BHMT: variants seen among roughly 807,000 people sequenced by gnomAD.
BHMT encodes betaine--homocysteine S-methyltransferase 1.
In BHMT, 38 loss-of-function variants were observed where a neutral mutation model predicts 49.5. The ratio of observed to expected loss-of-function variants is 0.77; its 90% CI spans 0.59 to 1.01. BHMT has a LOEUF of 1.01. Among genes scored for constraint, BHMT ranks in the 50% least tolerant of loss-of-function variants. The probability of loss-of-function intolerance (pLI) is 0.00; values close to 1 mark genes in which losing one functional copy is unlikely to be tolerated. For missense variants in BHMT, 426 were observed against 495.7 expected (o/e 0.86, Z 1.34); for synonymous variants, 166 against 176.3 (o/e 0.94, Z 0.46).
rs764359897 is a variant in BHMT at position 79,131,008 on chromosome 5, T to A, written c.1113T>A (p.Asp371Glu). 5.0e-6 allele frequency: 8 copies of A among 1,613,956 alleles called. No individual in the cohort carries two copies. In the South Asian group the frequency reaches 6.6e-5, roughly 13 times the overall value. ...RPYNPSMSKP[D>E]GWGVTKGTAE... ...ACAACCCTTCAATGTCAAAGCCAGATGGCTGGGGAGTGACCAAAGGAACAG... is the reference window on the plus strand; with the variant it reads ...ACAACCCTTCAATGTCAAAGCCAGAAGGCTGGGGAGTGACCAAAGGAACAG... The change falls in exon 8 of 8, where the codon GAT becomes GAA. Residue 371 changes from aspartate to glutamate, a missense_variant. Coordinates refer to ENST00000274353, the MANE Select transcript of BHMT (RefSeq NM_001713.3).
intron 1 of BHMT, 38 bp from the exon 2 acceptor site, chr5:79,115,729 T>A: frequency 6.5e-7 from 1 of 1,542,486 alleles, no homozygotes; most frequent in Admixed American, 2.0e-5. Context: ...TCTTAAACAC[T>A]CAAGTAACTC....
At chr5:79,118,254 T>C (rs1756416412) in intron 2 of BHMT, among the ~76,000 whole-genome samples, 1 of 152,094 alleles carries the variant, frequency 6.6e-6, no homozygotes, top group Non-Finnish European at 1.5e-5. Context: ...TCACTTGAGG[T>C]CAGTAGTTCA....
At chr5:79,120,327 T>C in intron 3 of BHMT, 23 bp from the exon 4 acceptor site, 2 of 1,535,046 alleles carry the variant, frequency 1.3e-6, no homozygotes, top group Non-Finnish European at 1.8e-6. Context: ...AATTTAGATG[T>C]CTCATATACT....
chr5:79,120,652 T>C, intron 4 of BHMT, 111 bp downstream of exon 4: 1 of 987,476 alleles, frequency 1.0e-6, no homozygotes, highest in Non-Finnish European at 1.4e-6. Flanking sequence ...CTAGCAATAG[T>C]AATATTTAGT....
chr5:79,121,365 G>A lies in BHMT; in HGVS notation c.625G>A (p.Gly209Arg). The A allele has an allele frequency of 6.2e-7, 1 of 1,614,090 alleles. No individual in the cohort carries two copies. Among genetic ancestry groups the A allele is most frequent in the Non-Finnish European group, 8.5e-7 (1 of 1,179,958 alleles). ...GECAVRLVKA[G>R]ASIIGVNCHF... is the part of the protein sequence containing the mutation. The stretch of plus-strand genomic sequence containing the variant: ...GTGTGCAGTGCGCCTGGTGAAAGCA[G>A]GTGATGATAGATTTCAATCAGTTTG... The change falls in exon 5 of 8, where the codon GGA becomes AGA. Residue 209 changes from glycine (G) to arginine (R), a missense_variant and splice_region_variant. Physicochemically the swap from Gly to Arg is moderately radical, Grantham distance 125 (BLOSUM62 -2). Transcript: ENST00000274353.
At chr5:79,116,395 G>A (rs1300886576) in intron 2 of BHMT, 1 of 152,262 alleles carries the variant, frequency 6.6e-6, no homozygotes, top group East Asian at 1.9e-4. Flanking sequence ...CAGGAATCTG[G>A]GGATGTTAGA....
At chr5:79,123,638 A>G (rs139947872) in intron 5 of BHMT, among the ~76,000 whole-genome samples, 4,949 of 151,794 alleles carry the variant, frequency 0.033, 107 homozygotes, top group South Asian at 0.075. Flanking sequence ...TGTAACCTCC[A>G]CCTCCTGGGT....
intron 4 of BHMT, among the ~76,000 whole-genome samples, chr5:79,120,910 T>A (rs779285919): frequency 1.3e-5 from 2 of 152,192 alleles, no homozygotes; most frequent in Admixed American, 6.5e-5. Context: ...CCCAGCACTT[T>A]GGGAGGCCAA....
chr5:79,118,139 A>G (rs1411421911), intron 2 of BHMT, among the ~76,000 whole-genome samples: 3 of 152,222 alleles, frequency 2.0e-5, no homozygotes, highest in Admixed American at 1.3e-4. Flanking sequence ...ACTTTTAGCT[A>G]TATGGGGAAA....
chr5:79,120,408 A>G lies in BHMT; in HGVS notation c.344A>G (p.Asp115Gly). Residue 115 changes from aspartate to glycine, a missense_variant, in exon 4 of 8, where the codon GAT becomes GGT. Coordinates refer to ENST00000274353, the MANE Select transcript of BHMT (RefSeq NM_001713.3). ...GCCCGACAAGTGGCTGATGAAGGAG[A>G]TGCTTTGGTAGCAGGAGGAGTGAGT... ...DIARQVADEGDALVAGGVSQT... is the reference protein window; with the variant it reads ...DIARQVADEGGALVAGGVSQT... 2 of 1,613,936 alleles carry G rather than the reference A, an allele frequency of 1.2e-6. No individual in the cohort carries two copies. The highest frequency in any genetic ancestry group is 2.2e-5 in the East Asian group (1 of 44,872).
intron 2 of BHMT, among the ~76,000 whole-genome samples, chr5:79,117,792 G>A (rs35563215): frequency 0.026 from 3,970 of 152,212 alleles, 65 homozygotes; most frequent in Middle Eastern, 0.048. Context: ...TAATTTTCAG[G>A]AGCTGATATA....
At chr5:79,125,753 G>A (rs527617816) in intron 5 of BHMT, among the ~76,000 whole-genome samples, 20 of 152,040 alleles carry the variant, frequency 1.3e-4, no homozygotes, top group Non-Finnish European at 2.5e-4. Context: ...GCAACATGGC[G>A]AAACCCCATA....
At chr5:79,123,532 G>T in intron 5 of BHMT, among the ~76,000 whole-genome samples, 1 of 88,330 alleles carries the variant, frequency 1.1e-5, no homozygotes, top group Non-Finnish European at 2.5e-5. Context: ...TGGTTGGTTG[G>T]TTGGTTGGTT....
In BHMT at chr5:79,130,977, G is replaced by A. The variant is rs556850126; in HGVS notation, c.1082G>A (p.Arg361Gln). 2.0e-4 allele frequency: 318 copies of A among 1,613,742 alleles called. 2 individuals are homozygous for A. In the South Asian group the frequency reaches 2.5e-3, roughly 13 times the overall value. Reference sequence around the variant, plus strand: ...GAGAATCTTCGGATAGCCTCAGGCCGGCCATACAACCCTTCAATGTCAAAG... The same window carrying A: ...GAGAATCTTCGGATAGCCTCAGGCCAGCCATACAACCCTTCAATGTCAAAG... ...YWENLRIASG[R>Q]PYNPSMSKPD... The change falls in exon 8 of 8, where the codon CGG becomes CAG. Residue 361 changes from arginine (R) to glutamine (Q), a missense_variant. By Grantham distance (43) the Arg-to-Gln change is conservative. This residue lies in a region of BHMT where 73 missense variants were observed against 68.3 expected (regional missense o/e 1.07). Coordinates refer to ENST00000274353, the MANE Select transcript of BHMT (RefSeq NM_001713.3).
At chr5:79,126,580 C>T (rs1756556931) in intron 6 of BHMT, among the ~76,000 whole-genome samples, 1 of 152,160 alleles carries the variant, frequency 6.6e-6, no homozygotes, top group East Asian at 1.9e-4. Context: ...TTGCTAAGTC[C>T]TGTCACCTTA....
chr5:79,125,034 G>T (rs904522733), intron 5 of BHMT, among the ~76,000 whole-genome samples: 1 of 152,158 alleles, frequency 6.6e-6, no homozygotes, highest in Non-Finnish European at 1.5e-5. Context: ...AAGCAGTATG[G>T]TAAACACAGG....
intron 1 of BHMT, 24 bp downstream of exon 1, chr5:79,111,942 G>A: frequency 6.3e-7 from 1 of 1,576,058 alleles, no homozygotes; most frequent in South Asian, 1.2e-5. Flanking sequence ...GGACCCGAGG[G>A]CGCTCTCCTT....
chr5:79,121,723 G>A (rs1015065882), intron 5 of BHMT, among the ~76,000 whole-genome samples: 26 of 150,532 alleles, frequency 1.7e-4, no homozygotes, highest in Non-Finnish European at 3.7e-4. Context: ...GCTGAGGCAG[G>A]AGAATGGCGT....
At position 79,131,036 on chromosome 5, in the gene BHMT, G is replaced by A. The variant is rs148233515; in HGVS notation, c.1141G>A (p.Glu381Lys). ...CTGGGGAGTGACCAAAGGAACAGCCGAGCTGATGCAGCAGAAAGAAGCCAC... is the reference window on the plus strand; with the variant it reads ...CTGGGGAGTGACCAAAGGAACAGCCAAGCTGATGCAGCAGAAAGAAGCCAC... ...DGWGVTKGTA[E>K]LMQQKEATTE... The change falls in exon 8 of 8, where the codon GAG (glutamate) becomes AAG (lysine). Residue 381 changes from glutamate (E) to lysine (K), a missense_variant. By Grantham distance (56) the Glu-to-Lys change is moderately conservative (BLOSUM62 1). Coordinates refer to ENST00000274353, the MANE Select transcript of BHMT (RefSeq NM_001713.3). 3.5e-5 allele frequency: 57 copies of A among 1,613,914 alleles called. No homozygotes were observed. The African/African-American group carries it at 6.5e-4, about 19-fold the overall frequency.
Sources: gnomAD v4.1 joint callset for allele counts (sites outside exome capture counted in the v4.1 genomes callset) on GRCh38, gnomAD v4.1.1 for gene constraint, gnomAD v4.1.1 regional missense constraint, MANE v1.5 for transcripts, NCBI Gene and HGNC (gene_info 2026-07-23, HGNC 2026-07-21) for gene names.